PDE3B: variants seen among roughly 807,000 people sequenced by gnomAD.
The protein encoded by PDE3B is cGMP-inhibited 3',5'-cyclic phosphodiesterase 3B.
In PDE3B, 66 loss-of-function variants were observed where a neutral mutation model predicts 116.8. The ratio of observed to expected loss-of-function variants is 0.56; its 90% confidence interval spans 0.46 to 0.69. The LOEUF (loss-of-function observed/expected upper bound fraction) is 0.69. Ranked by LOEUF, PDE3B falls within the 30% of genes least tolerant of loss-of-function variation. The probability of loss-of-function intolerance (pLI) is 0.00; values close to 1 mark genes in which losing one functional copy is unlikely to be tolerated. For missense variants in PDE3B, 1,384 were observed against 1,368.1 expected, an observed-to-expected ratio of 1.01 and a Z score of -0.18; for synonymous variants, 595 against 533.6, an observed-to-expected ratio of 1.12 and a Z score of -1.59.
chr11:14,893,729 C>A, the PDE3B span, among the ~76,000 whole-genome samples: 2 of 152,146 alleles, frequency 1.3e-5, no homozygotes, highest in Non-Finnish European at 2.9e-5. Context: ...TTATAAGGAT[C>A]GTTGTGATTA....
chr11:14,741,352 G>GT (rs2133865583), intron 1 of PDE3B, among the ~76,000 whole-genome samples: 1 of 152,168 alleles, frequency 6.6e-6, no homozygotes, highest in East Asian at 1.9e-4. Flanking sequence ...TTACCATTAT[G>GT]TAATGCCCTT....
chr11:14,792,172 C>T (rs1399742581), intron 4 of PDE3B, among the ~76,000 whole-genome samples: 1 of 151,976 alleles, frequency 6.6e-6, no homozygotes, highest in Non-Finnish European at 1.5e-5. Flanking sequence ...AGAGCTGCAG[C>T]CCTTACTTGG....
intron 5 of PDE3B, among the ~76,000 whole-genome samples, chr11:14,807,694 A>G (rs1216807005): frequency 6.6e-6 from 1 of 152,176 alleles, no homozygotes; most frequent in African/African-American, 2.4e-5. Flanking sequence ...TAGAGTTGTC[A>G]GTATATTATC....
At chr11:14,786,319 A>C (rs1247167903) in intron 2 of PDE3B, 118 bp from the exon 3 acceptor site, 1 of 683,074 alleles carries the variant, frequency 1.5e-6, no homozygotes, top group Non-Finnish European at 2.2e-6. Context: ...AAAAAATTAA[A>C]GTTCACGGTT....
intron 1 of PDE3B, among the ~76,000 whole-genome samples, chr11:14,725,277 TTC>T (rs1856254695): frequency 6.6e-6 from 1 of 150,826 alleles, no homozygotes; most frequent in African/African-American, 2.4e-5. Context: ...CTCTTTCTTT[TTC>T]TTTCTTTCTT....
At chr11:14,747,079 A>T (rs2133871391) in intron 1 of PDE3B, among the ~76,000 whole-genome samples, 1 of 152,314 alleles carries the variant, frequency 6.6e-6, no homozygotes, top group Admixed American at 6.5e-5. Flanking sequence ...ATGTGGCGAG[A>T]GCCAGAGCAA....
chr11:14,777,129 TG>T (rs1857811230), intron 2 of PDE3B, among the ~76,000 whole-genome samples: 1 of 152,090 alleles, frequency 6.6e-6, no homozygotes, highest in African/African-American at 2.4e-5. Flanking sequence ...AATTACTGGA[TG>T]GGATGAATAA....
At chr11:14,816,386 AC>A (rs1257230501) in intron 5 of PDE3B, among the ~76,000 whole-genome samples, 1 of 151,954 alleles carries the variant, frequency 6.6e-6, no homozygotes, top group Admixed American at 6.6e-5. Flanking sequence ...AATGACTGTT[AC>A]TTGTTTTCCT....
intron 1 of PDE3B, among the ~76,000 whole-genome samples, chr11:14,708,004 T>C (rs1335768810): frequency 6.6e-6 from 1 of 152,078 alleles, no homozygotes; most frequent in South Asian, 2.1e-4. Context: ...TTAGCCTTCT[T>C]CTTGGTTGCA....
intron 10 of PDE3B, among the ~76,000 whole-genome samples, chr11:14,834,682 T>C (rs557478293): frequency 7.2e-5 from 11 of 152,344 alleles, no homozygotes; most frequent in East Asian, 1.9e-4. Flanking sequence ...ATCCAGACAC[T>C]ACATGATATT....
At chr11:14,713,695 TACACACACACACAC>T (rs68083046) in intron 1 of PDE3B, among the ~76,000 whole-genome samples, 3 of 149,768 alleles carry the variant, frequency 2.0e-5, no homozygotes, top group Non-Finnish European at 4.5e-5. Flanking sequence ...AAAAAATCTT[TACACACACACACAC>T]ACACACACAC....
At chr11:14,730,409 A>G (rs1194201668) in intron 1 of PDE3B, among the ~76,000 whole-genome samples, 2 of 152,232 alleles carry the variant, frequency 1.3e-5, no homozygotes, top group Non-Finnish European at 2.9e-5. Flanking sequence ...AAAAATGTAC[A>G]GATATCCACT....
intron 1 of PDE3B, among the ~76,000 whole-genome samples, chr11:14,737,996 A>G (rs1047212105): frequency 1.3e-5 from 2 of 151,984 alleles, no homozygotes; most frequent in Non-Finnish European, 2.9e-5. Flanking sequence ...TATGTGCCAC[A>G]TTTTCTTAAT....
At chr11:14,739,443 A>G (rs1312750606) in intron 1 of PDE3B, among the ~76,000 whole-genome samples, 1 of 152,158 alleles carries the variant, frequency 6.6e-6, no homozygotes, top group African/African-American at 2.4e-5. Context: ...TGATTTTTGC[A>G]CACTGACTTT....
chr11:14,867,481 G>A (rs1485000153), intron 14 of PDE3B, 25 bp from the exon 15 acceptor site: 25 of 1,602,214 alleles, frequency 1.6e-5, no homozygotes, highest in Non-Finnish European at 2.0e-5. Flanking sequence ...AGTTAAAAAT[G>A]TACTTTTCTT....
intron 1 of PDE3B, among the ~76,000 whole-genome samples, chr11:14,687,260 T>C (rs1451744396): frequency 6.6e-6 from 1 of 152,194 alleles, no homozygotes; most frequent in African/African-American, 2.4e-5. Context: ...GTAGGGAAGA[T>C]ATATAAAGGC....
At chr11:14,652,712 T>C (rs1853603512) in intron 1 of PDE3B, among the ~76,000 whole-genome samples, 1 of 152,204 alleles carries the variant, frequency 6.6e-6, no homozygotes, top group Non-Finnish European at 1.5e-5. Context: ...CCCCTGATAA[T>C]CACCGTTTGA....
chr11:14,672,982 GAT>G (rs1435019271), intron 1 of PDE3B, among the ~76,000 whole-genome samples: 1 of 147,182 alleles, frequency 6.8e-6, no homozygotes, highest in African/African-American at 2.5e-5. Context: ...ATTCCTAAAA[GAT>G]AGACTTTTCC....
chr11:14,645,122 G>A (rs1853355728), intron 1 of PDE3B, 69 bp downstream of exon 1: 2 of 911,534 alleles, frequency 2.2e-6, no homozygotes, highest in Admixed American at 4.0e-5. Flanking sequence ...TTTCCGAGTT[G>A]AATTCGCTTA....
Sources: gnomAD v4.1 joint callset for allele counts (sites outside exome capture counted in the v4.1 genomes callset) on GRCh38, gnomAD v4.1.1 for gene constraint, MANE v1.5 for transcripts, NCBI Gene and HGNC (gene_info 2026-07-23, HGNC 2026-07-21) for gene names.